The following ZNF221 variants were observed in gnomAD, a reference collection of about 807,000 sequenced individuals.
ZNF221 encodes the protein zinc finger protein 221.
Under a neutral mutation model 12.6 loss-of-function variants are expected in ZNF221, and 10 were observed. The ratio of observed to expected loss-of-function variants is 0.79; its 90% CI spans 0.49 to 1.34. The LOEUF (loss-of-function observed/expected upper bound fraction) is 1.34, where lower values mean the gene tolerates loss of function less well. ZNF221 is among the 40% of genes most tolerant of loss of function. ZNF221 has a pLI of 0.00. For missense variants in ZNF221, 661 were observed against 721.4 expected (o/e 0.92, Z 0.96); for synonymous variants, 232 against 244.0 (o/e 0.95, Z 0.46).
intron 1 of ZNF221, among the ~76,000 whole-genome samples, chr19:43,953,714 T>C (rs1193959668): frequency 2.0e-5 from 3 of 152,162 alleles, no homozygotes; most frequent in South Asian, 2.1e-4. Flanking sequence ...AGGAGACATG[T>C]TAGTGACCAA....
chr19:43,975,989 C>T, the ZNF221 span, among the ~76,000 whole-genome samples: 1 of 152,074 alleles, frequency 6.6e-6, no homozygotes, highest in South Asian at 2.1e-4. Context: ...TAATAACAGA[C>T]CACTGCATAT....
In ZNF221 at chr19:43,967,474, T is replaced by C; in HGVS notation, c.*118T>C. The C allele has an allele frequency of 1.3e-6, 1 of 742,034 alleles. No individual in the cohort carries two copies. The highest frequency in any genetic ancestry group is 2.1e-6 in the Non-Finnish European group (1 of 470,800). The allele number at this position is 742,034 out of a possible 1,614,324, so 46.0% of individuals were successfully genotyped here. A position where few individuals can be genotyped will look rare whatever the true frequency, so the allele number is the denominator to read the frequency against. ...CTGTGGGAAGAGCTTTGTACATAGA[T>C]CATATCTTTTTTTTTTTTTTTTGAG... On this transcript the variant is annotated 3_prime_UTR_variant, in exon 5 of 5. Transcript: ENST00000587682.
chr19:43,954,842 C>T (rs532377901), intron 1 of ZNF221, among the ~76,000 whole-genome samples: 7 of 152,108 alleles, frequency 4.6e-5, no homozygotes, highest in Non-Finnish European at 8.8e-5. Context: ...GCAAGAATTG[C>T]ATAGTCATCC....
chr19:43,955,923 A>T (rs987517437), intron 1 of ZNF221, among the ~76,000 whole-genome samples: 2 of 151,368 alleles, frequency 1.3e-5, no homozygotes, highest in Admixed American at 6.6e-5. Flanking sequence ...TTATTATGGA[A>T]CTCTTCTGGG....
At chr19:43,965,463 G>T (rs1974926261) in intron 4 of ZNF221, 138 bp downstream of exon 4, 3 of 654,322 alleles carry the variant, frequency 4.6e-6, no homozygotes, top group African/African-American at 1.8e-5. Context: ...CTTCTTTAAA[G>T]TTCCTTTGGC....
At chr19:43,976,098 A>G in the ZNF221 span, among the ~76,000 whole-genome samples, 4 of 152,046 alleles carry the variant, frequency 2.6e-5, no homozygotes, top group African/African-American at 7.2e-5. Flanking sequence ...CAGTCTCACC[A>G]TGTTGCTTGG....
Position 43,962,782 on chromosome 19 carries a change from T to G in ZNF221, c.56T>G (p.Val19Gly). 6.2e-7 allele frequency: 1 copy of G among 1,613,874 alleles called. No individual in the cohort carries two copies. The highest frequency in any genetic ancestry group is 1.1e-5 in the South Asian group (1 of 91,042). The change falls in exon 2 of 5, where the codon GTA becomes GGA. Residue 19 changes from valine (V) to glycine (G), a missense_variant. Val to Gly is a moderately radical substitution (Grantham distance 109). Transcript: ENST00000587682. ...LHSGLCKFPEVEGKMTTFKEA... is the reference protein window; with the variant it reads ...LHSGLCKFPEGEGKMTTFKEA... ...TCAGGACTCTGCAAATTCCCTGAAG[T>G]AGAAGGAAAAATGACCACATTCAAA... is the stretch of plus-strand genomic sequence containing the variant.
chr19:43,951,952 C>A (rs1380240578), intron 1 of ZNF221, among the ~76,000 whole-genome samples: 1 of 144,040 alleles, frequency 6.9e-6, no homozygotes, highest in Non-Finnish European at 1.5e-5. Context: ...CGGCTCACTG[C>A]AGGCTCCGCC....
the ZNF221 span, among the ~76,000 whole-genome samples, chr19:43,978,040 A>T: frequency 6.6e-6 from 1 of 152,104 alleles, no homozygotes; most frequent in Non-Finnish European, 1.5e-5. Context: ...ATAAGACTCA[A>T]CTCCTCTAGC....
chr19:43,974,847 A>G, the ZNF221 span, among the ~76,000 whole-genome samples: 1 of 151,962 alleles, frequency 6.6e-6, no homozygotes, highest in Non-Finnish European at 1.5e-5. Flanking sequence ...GGCGAAACGA[A>G]CCCCTGTCTC....
At chr19:43,980,393 G>A in the ZNF221 span, among the ~76,000 whole-genome samples, 1 of 152,268 alleles carries the variant, frequency 6.6e-6, no homozygotes, top group South Asian at 2.1e-4. Context: ...TCTGTATTAG[G>A]ATGGACGCTG....
intron 2 of ZNF221, among the ~76,000 whole-genome samples, chr19:43,964,725 G>A (rs1351131609): frequency 6.6e-6 from 1 of 152,168 alleles, no homozygotes; most frequent in Non-Finnish European, 1.5e-5. Flanking sequence ...CAAAGTAAAA[G>A]TACAGGACTT....
intron 1 of ZNF221, among the ~76,000 whole-genome samples, chr19:43,960,507 C>T (rs939731247): frequency 1.3e-5 from 2 of 152,182 alleles, no homozygotes; most frequent in Non-Finnish European, 2.9e-5. Context: ...GTGGTAATAT[C>T]TGAGACAATG....
chr19:43,968,880 G>A (rs1975035471), downstream of ZNF221, among the ~76,000 whole-genome samples: 1 of 152,186 alleles, frequency 6.6e-6, no homozygotes, highest in African/African-American at 2.4e-5. Context: ...CACGGGTCAG[G>A]AGATCTCCTT....
chr19:43,976,329 T>A, the ZNF221 span, among the ~76,000 whole-genome samples: 1 of 151,862 alleles, frequency 6.6e-6, no homozygotes, highest in Non-Finnish European at 1.5e-5. Context: ...CTTGAGGCCA[T>A]GGGTTCGAGA....
intron 1 of ZNF221, among the ~76,000 whole-genome samples, chr19:43,952,328 T>C (rs1974686145): frequency 6.6e-6 from 1 of 152,142 alleles, no homozygotes; most frequent in African/African-American, 2.4e-5. Flanking sequence ...TGCTTGGAGG[T>C]AGACGGAGTG....
At chr19:43,971,339 A>G (rs928355812), downstream of ZNF221, among the ~76,000 whole-genome samples, 7 of 152,200 alleles carry the variant, frequency 4.6e-5, no homozygotes, top group African/African-American at 1.7e-4. Context: ...CTATAAAGCA[A>G]CCACATAAAC....
chr19:43,959,117 C>T (rs1974804335), intron 1 of ZNF221, among the ~76,000 whole-genome samples: 1 of 152,080 alleles, frequency 6.6e-6, no homozygotes, highest in Admixed American at 6.5e-5. Flanking sequence ...CAAATATGCT[C>T]TTCAATGCAA....
rs763603302 is a variant in ZNF221, at chr19:43,966,559, C to G, written c.1057C>G (p.Leu353Val). The G allele has an allele frequency of 6.2e-7, 1 of 1,614,122 alleles. No homozygotes were observed. The highest frequency in any genetic ancestry group is 1.1e-5 in the South Asian group (1 of 91,082). The change falls in exon 5 of 5, where the codon CTT (leucine) becomes GTT (valine). Residue 353 changes from leucine (L) to valine (V), a missense_variant. Coordinates refer to ENST00000587682, the MANE Select transcript of ZNF221 (RefSeq NM_001297588.2). ...CAAGAACTTTCGTCAGAGATCAGCA[C>G]TTAATAGTCATTCCATGGTCCACAT... Reference protein sequence around the residue: ...CGKNFRQRSALNSHSMVHIEE... With the variant: ...CGKNFRQRSAVNSHSMVHIEE...
Sources: gnomAD v4.1 joint callset for allele counts (sites outside exome capture counted in the v4.1 genomes callset) on GRCh38, gnomAD v4.1.1 for gene constraint, MANE v1.5 for transcripts, NCBI Gene and HGNC (gene_info 2026-07-23, HGNC 2026-07-21) for gene names.